The following CPNE4 variants were observed in gnomAD, a reference collection of about 807,000 sequenced individuals.
CPNE4 encodes copine-4.
In CPNE4, 25 loss-of-function variants were observed where a neutral mutation model predicts 67.9. That is an observed-to-expected ratio of 0.37 (90% confidence interval 0.27 to 0.51). The LOEUF (loss-of-function observed/expected upper bound fraction) is 0.51. Ranked by LOEUF, CPNE4 falls within the 20% of genes least tolerant of loss-of-function variation. The probability of loss-of-function intolerance (pLI) is 0.93; values close to 1 mark genes in which losing one functional copy is unlikely to be tolerated. For synonymous variants in CPNE4, 242 were observed against 244.9 expected (o/e 0.99, Z 0.11); for missense variants, 464 against 690.8 (o/e 0.67, Z 3.68).
intron 2 of CPNE4, among the ~76,000 whole-genome samples, chr3:131,884,006 CA>C (rs1340207024): frequency 6.6e-6 from 1 of 152,144 alleles, no homozygotes; most frequent in Non-Finnish European, 1.5e-5. Context: ...AATTTTTAAA[CA>C]AGCCCCCCTA....
chr3:131,997,968 G>GC (rs2073337957), intron 1 of CPNE4, among the ~76,000 whole-genome samples: 1 of 152,132 alleles, frequency 6.6e-6, no homozygotes, highest in South Asian at 2.1e-4. Context: ...AGAGGGCAGA[G>GC]CCCTTATGAC....
At chr3:131,820,592 T>A (rs1196752185) in intron 2 of CPNE4, among the ~76,000 whole-genome samples, 1 of 152,244 alleles carries the variant, frequency 6.6e-6, no homozygotes, top group Non-Finnish European at 1.5e-5. Context: ...TTTACTTATT[T>A]TGCATTTGCA....
At chr3:131,898,210 T>A (rs966520788) in intron 2 of CPNE4, among the ~76,000 whole-genome samples, 3 of 152,102 alleles carry the variant, frequency 2.0e-5, no homozygotes, top group Non-Finnish European at 4.4e-5. Flanking sequence ...ATGTTGAAGG[T>A]GATTCAATCT....
intron 7 of CPNE4, among the ~76,000 whole-genome samples, chr3:131,607,868 A>T (rs1939595888): frequency 6.6e-6 from 1 of 152,212 alleles, no homozygotes; most frequent in African/African-American, 2.4e-5. Flanking sequence ...GAGGTAAACC[A>T]GCCACCAAGG....
intron 10 of CPNE4, among the ~76,000 whole-genome samples, chr3:131,570,331 ATTTT>A (rs527948174): frequency 2.2e-4 from 33 of 149,600 alleles, no homozygotes; most frequent in African/African-American, 8.2e-4. Context: ...TTATTTATTT[ATTTT>A]TTTAAAATTT....
chr3:131,655,077 T>C (rs192233303), intron 7 of CPNE4, among the ~76,000 whole-genome samples: 2 of 152,302 alleles, frequency 1.3e-5, no homozygotes, highest in African/African-American at 4.8e-5. Flanking sequence ...GATGCAGATA[T>C]AGAGAAATTT....
chr3:131,627,579 G>A (rs1326019949), intron 7 of CPNE4, among the ~76,000 whole-genome samples: 1 of 152,188 alleles, frequency 6.6e-6, no homozygotes, highest in East Asian at 1.9e-4. Flanking sequence ...TGCTCTGATG[G>A]ATCTGGGCAA....
chr3:131,833,653 T>C (rs184432806), intron 2 of CPNE4, among the ~76,000 whole-genome samples: 2 of 152,332 alleles, frequency 1.3e-5, no homozygotes, highest in East Asian at 3.9e-4. Context: ...GAGCCATGAC[T>C]GTGCCACTGC....
chr3:131,930,031 A>G (rs1320300699), intron 1 of CPNE4, among the ~76,000 whole-genome samples: 1 of 152,176 alleles, frequency 6.6e-6, no homozygotes, highest in Admixed American at 6.6e-5. Flanking sequence ...GGAACTTAAG[A>G]TGCATCCCCT....
intron 2 of CPNE4, among the ~76,000 whole-genome samples, chr3:131,904,725 G>T (rs565211324): frequency 6.6e-6 from 1 of 152,048 alleles, no homozygotes; most frequent in African/African-American, 2.4e-5. Context: ...CTGTCCTCTT[G>T]GTTCCCTCTT....
intron 2 of CPNE4, among the ~76,000 whole-genome samples, chr3:131,749,076 T>C (rs2082559781): frequency 1.3e-5 from 2 of 152,282 alleles, no homozygotes; most frequent in African/African-American, 4.8e-5. Flanking sequence ...TGTGCATTCA[T>C]GTATTAGAAG....
At chr3:131,967,216 A>G (rs1473941050) in intron 1 of CPNE4, among the ~76,000 whole-genome samples, 1 of 152,238 alleles carries the variant, frequency 6.6e-6, no homozygotes, top group African/African-American at 2.4e-5. Flanking sequence ...TATTGATGGA[A>G]CATATCTAAA....
At position 131,578,562 on chromosome 3, in the gene CPNE4, C is replaced by T. The variant is rs80170879; in HGVS notation, c.867+3017G>A. Among the ~76,000 whole-genome samples the T allele has an allele frequency of 6.0e-4, 91 of 152,256 alleles. No homozygotes were observed. The East Asian group carries it at 0.016, about 27-fold the overall frequency. On this transcript the variant is annotated intron_variant, in intron 9 of 15. Coordinates refer to ENST00000429747, the MANE Select transcript of CPNE4 (RefSeq NM_130808.3). ...ATTAAACTTAGTGAGGAAGGCATGT[C>T]AGTAGCTGAGGTAGGCCAAAAGTTA... is the stretch of plus-strand genomic sequence containing the variant.
chr3:131,853,813 T>A (rs2107649958), intron 2 of CPNE4, among the ~76,000 whole-genome samples: 1 of 151,924 alleles, frequency 6.6e-6, no homozygotes, highest in East Asian at 1.9e-4. Context: ...TATTTAGTCA[T>A]CAAGGAATAT....
At chr3:131,973,592 C>G (rs896292547) in intron 1 of CPNE4, among the ~76,000 whole-genome samples, 2 of 152,164 alleles carry the variant, frequency 1.3e-5, no homozygotes, top group Non-Finnish European at 2.9e-5. Flanking sequence ...TTTTCAAGGT[C>G]TCCCAGCAGA....
At chr3:131,630,653 C>G (rs6439309) in intron 7 of CPNE4, among the ~76,000 whole-genome samples, 42,024 of 152,060 alleles carry the variant, frequency 0.28, 9,561 homozygotes, top group African/African-American at 0.63. Context: ...TATTTCAAGT[C>G]CTCAGGAGAC....
At chr3:131,762,051 A>G (rs2082902617) in intron 2 of CPNE4, among the ~76,000 whole-genome samples, 1 of 152,170 alleles carries the variant, frequency 6.6e-6, no homozygotes, top group East Asian at 1.9e-4. Context: ...TGCTTATTTT[A>G]TTAAGGATCT....
At chr3:131,587,965 T>A (rs907551611) in intron 7 of CPNE4, among the ~76,000 whole-genome samples, 3 of 152,222 alleles carry the variant, frequency 2.0e-5, no homozygotes, top group African/African-American at 7.2e-5. Flanking sequence ...CTCCCTGGTT[T>A]ACATTGGCAT....
At chr3:131,568,033 C>G (rs986887113) in intron 10 of CPNE4, among the ~76,000 whole-genome samples, 2 of 151,874 alleles carry the variant, frequency 1.3e-5, no homozygotes, top group South Asian at 2.1e-4. Flanking sequence ...TCATATCGAC[C>G]TAGGGGAGGG....
Sources: allele counts gnomAD v4.1 joint callset (sites outside exome capture counted in the v4.1 genomes callset), GRCh38; gene constraint gnomAD v4.1.1; transcripts MANE v1.5; gene names NCBI Gene and HGNC (gene_info 2026-07-23, HGNC 2026-07-21).